The following PPARGC1A variants were observed in gnomAD, a reference collection of about 807,000 sequenced individuals.
PPARGC1A encodes peroxisome proliferator-activated receptor gamma coactivator 1-alpha.
In PPARGC1A, 25 loss-of-function variants were observed where a neutral mutation model predicts 88.7. The ratio of observed to expected loss-of-function variants is 0.28; its 90% CI spans 0.21 to 0.39. The LOEUF (loss-of-function observed/expected upper bound fraction) is 0.39. Ranked by LOEUF, PPARGC1A falls within the 10% of genes least tolerant of loss-of-function variation. PPARGC1A has a pLI of 1.00. For missense variants in PPARGC1A, 880 were observed against 968.7 expected (o/e 0.91, Z 1.22); for synonymous variants, 363 against 355.6 (o/e 1.02, Z -0.24).
chr4:23,899,759 G>T (rs1021997589), upstream of PPARGC1A, among the ~76,000 whole-genome samples: 23 of 152,158 alleles, frequency 1.5e-4, no homozygotes, highest in Admixed American at 1.3e-3. Flanking sequence ...GGTTGCCATG[G>T]GTGGTGGTTT....
intron 2 of PPARGC1A, chr4:23,884,395 C>A: frequency 3.3e-6 from 1 of 306,148 alleles, no homozygotes; most frequent in Middle Eastern, 9.0e-4. Flanking sequence ...ATATGAGGTA[C>A]CATTTATTGC....
At chr4:24,250,407 T>C in the PPARGC1A span, among the ~76,000 whole-genome samples, 1 of 152,224 alleles carries the variant, frequency 6.6e-6, no homozygotes, top group Non-Finnish European at 1.5e-5. Context: ...TTTTAGGTTT[T>C]TCTGACCATA....
chr4:24,260,585 G>T, the PPARGC1A span, among the ~76,000 whole-genome samples: 1 of 152,182 alleles, frequency 6.6e-6, no homozygotes, highest in African/African-American at 2.4e-5. Context: ...GAGGATAATA[G>T]TGAGTCCCTG....
chr4:24,083,488 A>C, the PPARGC1A span, among the ~76,000 whole-genome samples: 29 of 152,140 alleles, frequency 1.9e-4, no homozygotes, highest in Admixed American at 1.6e-3. Flanking sequence ...CCTGTTCACA[A>C]GCCTCCTTCT....
the PPARGC1A span, among the ~76,000 whole-genome samples, chr4:24,128,544 G>A: frequency 7.1e-6 from 1 of 140,484 alleles, no homozygotes; most frequent in African/African-American, 2.9e-5. Flanking sequence ...GTGTGTGTGT[G>A]TGTGTGTGTG....
the PPARGC1A span, among the ~76,000 whole-genome samples, chr4:24,057,017 A>G: frequency 6.6e-6 from 1 of 152,238 alleles, no homozygotes; most frequent in Non-Finnish European, 1.5e-5. Flanking sequence ...GTTTACAGCA[A>G]TATTATTCAC....
the PPARGC1A span, among the ~76,000 whole-genome samples, chr4:24,016,047 G>A: frequency 6.6e-6 from 1 of 152,276 alleles, no homozygotes; most frequent in South Asian, 2.1e-4. Context: ...CAATAGAGTG[G>A]TGCTTAGGCT....
At position 23,870,674 on chromosome 4, in the gene PPARGC1A, T is replaced by A. The variant is rs186324129; in HGVS notation, c.234+14078A>T. On this transcript the variant is annotated intron_variant, in intron 2 of 12. Coordinates refer to ENST00000264867, the MANE Select transcript of PPARGC1A (RefSeq NM_013261.5). ...TGAAGAAGTGTATCTGGGAATAAAA[T>A]GTGCTCCATCTGAGGGAATTTTTCT... 4.1e-3 allele frequency among the ~76,000 whole-genome samples: 618 copies of A among 152,292 alleles called. 3 individuals carry two copies. Among genetic ancestry groups the A allele is most frequent in the Middle Eastern group, 0.024 (7 of 294 alleles).
At chr4:23,816,662 C>G (rs1213832029) in intron 7 of PPARGC1A, among the ~76,000 whole-genome samples, 1 of 152,110 alleles carries the variant, frequency 6.6e-6, no homozygotes, top group African/African-American at 2.4e-5. Flanking sequence ...TGACATAGCC[C>G]TTGAATTGGA....
At chr4:24,019,835 G>A in the PPARGC1A span, among the ~76,000 whole-genome samples, 1 of 152,062 alleles carries the variant, frequency 6.6e-6, no homozygotes, top group Non-Finnish European at 1.5e-5. Flanking sequence ...CACCCACATA[G>A]GACTGCAAAG....
the PPARGC1A span, among the ~76,000 whole-genome samples, chr4:24,122,385 A>ATG: frequency 0.29 from 30,021 of 103,862 alleles, 3,726 homozygotes; most frequent in Non-Finnish European, 0.31. Flanking sequence ...GTGTATGCGT[A>ATG]TGTGTGTGTG....
the PPARGC1A span, among the ~76,000 whole-genome samples, chr4:24,354,663 G>A: frequency 6.6e-6 from 1 of 152,088 alleles, no homozygotes; most frequent in East Asian, 1.9e-4. Context: ...AAGGCGTGTG[G>A]ATCATGAGGT....
the PPARGC1A span, among the ~76,000 whole-genome samples, chr4:23,979,234 A>C: frequency 6.6e-6 from 1 of 152,308 alleles, no homozygotes; most frequent in African/African-American, 2.4e-5. Context: ...GCAATAAAAA[A>C]CCATTAATAA....
the PPARGC1A span, among the ~76,000 whole-genome samples, chr4:24,306,811 G>T: frequency 5.8e-4 from 89 of 152,168 alleles, 1 homozygote; most frequent in Non-Finnish European, 8.8e-5. Context: ...ATAGGAAGGA[G>T]GAAGGTGGAA....
At chr4:24,412,570 T>A in the PPARGC1A span, among the ~76,000 whole-genome samples, 3 of 152,266 alleles carry the variant, frequency 2.0e-5, no homozygotes, top group East Asian at 1.9e-4. Flanking sequence ...AACCTCCACC[T>A]CCCGGGTTCA....
chr4:24,171,289 C>G, the PPARGC1A span, among the ~76,000 whole-genome samples: 1 of 151,984 alleles, frequency 6.6e-6, no homozygotes, highest in African/African-American at 2.4e-5. Flanking sequence ...ACCTGTACTC[C>G]CAGCTACTTG....
the PPARGC1A span, among the ~76,000 whole-genome samples, chr4:23,976,885 C>T: frequency 6.6e-6 from 1 of 151,846 alleles, no homozygotes; most frequent in Non-Finnish European, 1.5e-5. Flanking sequence ...ATATTAGCAG[C>T]CCTGGAAGAC....
intron 2 of PPARGC1A, among the ~76,000 whole-genome samples, chr4:23,853,669 A>T (rs13114511): frequency 6.6e-6 from 1 of 152,188 alleles, no homozygotes; most frequent in Non-Finnish European, 1.5e-5. Flanking sequence ...AGACAATAAC[A>T]ACTGCCTTAT....
the PPARGC1A span, among the ~76,000 whole-genome samples, chr4:24,313,347 T>A: frequency 6.6e-5 from 10 of 152,174 alleles, no homozygotes; most frequent in African/African-American, 2.4e-4. Context: ...AAAGGAACCA[T>A]GAGGCATGAA....
Sources: allele counts gnomAD v4.1 joint callset (sites outside exome capture counted in the v4.1 genomes callset), GRCh38; gene constraint gnomAD v4.1.1; transcripts MANE v1.5; gene names NCBI Gene and HGNC (gene_info 2026-07-23, HGNC 2026-07-21).